Variants in EIF2AK3 observed in about 807,000 individuals in gnomAD.
EIF2AK3 encodes the protein eukaryotic translation initiation factor 2-alpha kinase 3.
EIF2AK3 carries 50 observed loss-of-function variants against 113.5 expected under a neutral mutation model. The ratio of observed to expected loss-of-function variants is 0.44; its 90% confidence interval spans 0.35 to 0.56. The LOEUF (loss-of-function observed/expected upper bound fraction) is 0.56. Ranked by LOEUF, EIF2AK3 falls within the 20% of genes least tolerant of loss-of-function variation. EIF2AK3 has a pLI of 0.00. For missense variants in EIF2AK3, 1,185 were observed against 1,378.0 expected, an observed-to-expected ratio of 0.86 and a Z score of 2.22; for synonymous variants, 448 against 495.4, an observed-to-expected ratio of 0.90 and a Z score of 1.27.
chr2:88,595,699 CATTAATT>C, intron 2 of EIF2AK3, 36 bp from the exon 3 acceptor site: 1 of 1,564,944 alleles, frequency 6.4e-7, no homozygotes. Flanking sequence ...AGGGCCATAA[CATTAATT>C]ATTATTTTTT....
chr2:88,572,609 G>A (rs1674341420), intron 13 of EIF2AK3, among the ~76,000 whole-genome samples: 1 of 152,180 alleles, frequency 6.6e-6, no homozygotes. Context: ...CAGAAACCAG[G>A]TTCTGGCTAA....
At chr2:88,573,921 T>C (rs189429338) in intron 13 of EIF2AK3, among the ~76,000 whole-genome samples, 4 of 152,334 alleles carry the variant, frequency 2.6e-5, no homozygotes, top group East Asian at 1.9e-4. Context: ...TAAGAGTATA[T>C]GGAATGTGGG....
intron 14 of EIF2AK3, among the ~76,000 whole-genome samples, chr2:88,563,008 TAC>T (rs1674006900): frequency 6.6e-6 from 1 of 152,238 alleles, no homozygotes; most frequent in Non-Finnish European, 1.5e-5. Context: ...CCTCAATAAA[TAC>T]TTAGTTGTTA....
intron 16 of EIF2AK3, among the ~76,000 whole-genome samples, 182 bp from the exon 17 acceptor site, chr2:88,558,118 A>G (rs1166066668): frequency 6.6e-6 from 1 of 152,178 alleles, no homozygotes; most frequent in Non-Finnish European, 1.5e-5. Flanking sequence ...TCCAGAGACA[A>G]TTTGTAAATT....
At chr2:88,568,931 C>T (rs998001513) in intron 14 of EIF2AK3, among the ~76,000 whole-genome samples, 3 of 152,052 alleles carry the variant, frequency 2.0e-5, no homozygotes, top group African/African-American at 7.2e-5. Context: ...TGCTCTGTCA[C>T]CCAGGCTGAA....
intron 1 of EIF2AK3, among the ~76,000 whole-genome samples, chr2:88,617,820 A>G (rs1021310745): frequency 8.5e-5 from 13 of 152,120 alleles, no homozygotes; most frequent in African/African-American, 3.1e-4. Context: ...TATACTATGT[A>G]ACAAATCAGC....
intron 11 of EIF2AK3, among the ~76,000 whole-genome samples, chr2:88,579,227 A>G (rs1009126593): frequency 6.6e-6 from 1 of 152,240 alleles, no homozygotes; most frequent in Non-Finnish European, 1.5e-5. Flanking sequence ...AAAAATATAG[A>G]ATGTTTTAAA....
Position 88,557,625 on chromosome 2 carries a change from A to G in EIF2AK3, c.*111T>C. The G allele has an allele frequency of 7.9e-7, 1 of 1,258,522 alleles. No individual in the cohort carries two copies. The highest frequency in any genetic ancestry group is 1.5e-5 in the African/African-American group (1 of 67,634). 78.0% of individuals were successfully genotyped at this position (1,258,522 alleles called of 1,614,324 possible). A position where few individuals can be genotyped will look rare whatever the true frequency, so the allele number is the denominator to read the frequency against. ...TTTGATATAAAAAAAGTAGTCCACA[A>G]AAAAATTGAGCGAAGAACAAACTTT... On this transcript the variant is annotated 3_prime_UTR_variant, in exon 17 of 17. Coordinates refer to ENST00000303236, the MANE Select transcript of EIF2AK3 (RefSeq NM_004836.7).
intron 1 of EIF2AK3, among the ~76,000 whole-genome samples, chr2:88,616,180 A>T (rs1675564293): frequency 6.6e-6 from 1 of 151,984 alleles, no homozygotes. Flanking sequence ...ATATCCTGGC[A>T]ACTCCCAAAT....
chr2:88,610,660 T>C (rs1675432080), intron 2 of EIF2AK3, among the ~76,000 whole-genome samples: 2 of 152,276 alleles, frequency 1.3e-5, no homozygotes, highest in Admixed American at 6.5e-5. Context: ...ACTTTTCTCA[T>C]TAAATTTTTT....
chr2:88,581,162 G>A (rs916334693), intron 10 of EIF2AK3, among the ~76,000 whole-genome samples: 2 of 150,002 alleles, frequency 1.3e-5, no homozygotes, highest in African/African-American at 2.5e-5. Context: ...ACAGTGCCTA[G>A]GACATTGTCG....
At chr2:88,579,307 C>G (rs756687958) in intron 11 of EIF2AK3, among the ~76,000 whole-genome samples, 1 of 152,166 alleles carries the variant, frequency 6.6e-6, no homozygotes, top group Non-Finnish European at 1.5e-5. Context: ...TAATAAAAAA[C>G]AAGGGCATAT....
chr2:88,565,425 C>A (rs1313172643), intron 14 of EIF2AK3, among the ~76,000 whole-genome samples: 1 of 151,714 alleles, frequency 6.6e-6, no homozygotes, highest in Non-Finnish European at 1.5e-5. Flanking sequence ...ACTGCAACCT[C>A]CACCTCCCAG....
rs750438957 is a variant in EIF2AK3 at position 88,557,717 on chromosome 2, T to C, written c.*19A>G. 5.0e-6 allele frequency: 8 copies of C among 1,613,184 alleles called. No individual in the cohort carries two copies. Among genetic ancestry groups the C allele is most frequent in the Non-Finnish European group, 5.1e-6 (6 of 1,179,128 alleles). On this transcript the variant is annotated 3_prime_UTR_variant, in exon 17 of 17. Transcript: ENST00000303236. ...CTATTATCTGCATCACCTATTAGGG[T>C]TGCTAGCACAACTTAAGGCTAATTG...
At chr2:88,610,192 C>G (rs1675397935) in intron 2 of EIF2AK3, among the ~76,000 whole-genome samples, 1 of 152,118 alleles carries the variant, frequency 6.6e-6, no homozygotes, top group African/African-American at 2.4e-5. Flanking sequence ...CTTCCCAGTA[C>G]TTACAGACTT....
chr2:88,612,040 G>A (rs149306465), intron 2 of EIF2AK3, among the ~76,000 whole-genome samples: 109 of 152,222 alleles, frequency 7.2e-4, no homozygotes, highest in Middle Eastern at 3.4e-3. Flanking sequence ...AAAATGGTGC[G>A]AACTAAAGAC....
chr2:88,623,037 A>T (rs1675770524), intron 1 of EIF2AK3, among the ~76,000 whole-genome samples: 1 of 152,232 alleles, frequency 6.6e-6, no homozygotes, highest in South Asian at 2.1e-4. Flanking sequence ...GAGGAATTAG[A>T]GCCAGAGGAA....
intron 15 of EIF2AK3, among the ~76,000 whole-genome samples, chr2:88,561,463 G>A (rs1050762902): frequency 2.0e-5 from 3 of 151,792 alleles, no homozygotes; most frequent in African/African-American, 7.3e-5. Flanking sequence ...GGGTTTTACC[G>A]TGTTAGCCAG....
At chr2:88,604,151 G>T (rs1005039260) in intron 2 of EIF2AK3, among the ~76,000 whole-genome samples, 6 of 152,116 alleles carry the variant, frequency 3.9e-5, no homozygotes. Flanking sequence ...CAGTCAGAGT[G>T]ATCTCTTCCA....
Sources: allele counts gnomAD v4.1 joint callset (sites outside exome capture counted in the v4.1 genomes callset), GRCh38; gene constraint gnomAD v4.1.1; transcripts MANE v1.5; gene names NCBI Gene and HGNC (gene_info 2026-07-23, HGNC 2026-07-21).